The following CLEC16A variants were observed in gnomAD, a reference collection of about 807,000 sequenced individuals.
CLEC16A encodes protein CLEC16A.
Under a neutral mutation model 109.5 loss-of-function variants are expected in CLEC16A, and 51 were observed. The observed-to-expected ratio is 0.47, with a 90% confidence interval of 0.37 to 0.59. The LOEUF (loss-of-function observed/expected upper bound fraction) is 0.59. Ranked by LOEUF, CLEC16A falls within the 20% of genes least tolerant of loss-of-function variation. The pLI is 0.00. For synonymous variants in CLEC16A, 673 were observed against 564.2 expected (o/e 1.19, Z -2.73); for missense variants, 1,339 against 1,394.0 (o/e 0.96, Z 0.63).
chr16:11,155,432 C>G (rs2054473089), intron 22 of CLEC16A, among the ~76,000 whole-genome samples: 1 of 152,204 alleles, frequency 6.6e-6, no homozygotes, highest in South Asian at 2.1e-4. Context: ...AGCCAAGTTG[C>G]TGCTCTTCAG....
At chr16:11,023,614 T>TC (rs991179731) in intron 12 of CLEC16A, among the ~76,000 whole-genome samples, 6 of 150,758 alleles carry the variant, frequency 4.0e-5, no homozygotes, top group African/African-American at 1.5e-4. Context: ...TTTTCCTACT[T>TC]TTTTTTTTTG....
At chr16:11,109,825 G>A (rs1370842421) in intron 19 of CLEC16A, among the ~76,000 whole-genome samples, 2 of 152,214 alleles carry the variant, frequency 1.3e-5, no homozygotes, top group Admixed American at 6.5e-5. Context: ...ACACGTGCTT[G>A]AAAGATTTGC....
At chr16:11,079,545 G>A (rs1050867531) in intron 19 of CLEC16A, among the ~76,000 whole-genome samples, 3 of 152,118 alleles carry the variant, frequency 2.0e-5, no homozygotes, top group South Asian at 2.1e-4. Flanking sequence ...TAGAAAAGCC[G>A]CATGCAACTT....
intron 1 of CLEC16A, among the ~76,000 whole-genome samples, chr16:10,947,043 C>T (rs1006837342): frequency 9.9e-5 from 15 of 152,238 alleles, no homozygotes; most frequent in African/African-American, 3.6e-4. Flanking sequence ...GGTAAACGGT[C>T]TCTGGTTCCT....
intron 22 of CLEC16A, among the ~76,000 whole-genome samples, chr16:11,134,416 T>C (rs2053439861): frequency 6.6e-6 from 1 of 152,174 alleles, no homozygotes; most frequent in Non-Finnish European, 1.5e-5. Flanking sequence ...TCACTTGCTC[T>C]GCCTCACAGA....
intron 18 of CLEC16A, among the ~76,000 whole-genome samples, chr16:11,052,006 G>A (rs915012668): frequency 1.3e-5 from 2 of 152,156 alleles, no homozygotes; most frequent in Admixed American, 1.3e-4. Flanking sequence ...TGAAATCGTA[G>A]CCCAGCGGTC....
At chr16:11,092,906 T>C (rs2050394262) in intron 19 of CLEC16A, among the ~76,000 whole-genome samples, 1 of 152,200 alleles carries the variant, frequency 6.6e-6, no homozygotes, top group South Asian at 2.1e-4. Flanking sequence ...GTGACTGTCG[T>C]TATCCTCATC....
chr16:11,058,401 A>G (rs1050322494), intron 18 of CLEC16A, among the ~76,000 whole-genome samples: 1 of 152,210 alleles, frequency 6.6e-6, no homozygotes, highest in Non-Finnish European at 1.5e-5. Flanking sequence ...TAGACTTTAA[A>G]TCGTCTCTAG....
chr16:11,053,329 T>A (rs1478881125), intron 18 of CLEC16A, among the ~76,000 whole-genome samples: 1 of 152,160 alleles, frequency 6.6e-6, no homozygotes, highest in Non-Finnish European at 1.5e-5. Context: ...ATAACCATCC[T>A]AGGAGATTGG....
chr16:11,023,339 C>T (rs937885252), intron 12 of CLEC16A, among the ~76,000 whole-genome samples: 2 of 152,016 alleles, frequency 1.3e-5, no homozygotes, highest in Non-Finnish European at 2.9e-5. Flanking sequence ...TCATATTATT[C>T]CCAAATGAAA....
At chr16:11,079,431 T>C (rs2152941339) in intron 19 of CLEC16A, among the ~76,000 whole-genome samples, 1 of 152,338 alleles carries the variant, frequency 6.6e-6, no homozygotes, top group South Asian at 2.1e-4. Context: ...AAAGTTCTCA[T>C]CCCATCTTCC....
At chr16:10,946,769 A>T (rs12922318) in intron 1 of CLEC16A, among the ~76,000 whole-genome samples, 107,482 of 152,098 alleles carry the variant, frequency 0.71, 39,909 homozygotes, top group South Asian at 0.81. Flanking sequence ...CTGTGTGTTA[A>T]TTCCCTTAGT....
Position 11,146,269 on chromosome 16 carries a change from G to T in CLEC16A, c.2642-20119G>T, listed in dbSNP as rs149293025. On this transcript the variant is annotated intron_variant, in intron 22 of 23. Coordinates refer to ENST00000409790, the MANE Select transcript of CLEC16A (RefSeq NM_015226.3). The stretch of plus-strand genomic sequence containing the variant: ...CCTGACATTTTCTACTCCTTGACTG[G>T]CCCTGCCCTGTCCCATCCCATTATC... Among the ~76,000 whole-genome samples the T allele has an allele frequency of 1.6e-3, 242 of 152,242 alleles. 2 individuals carry two copies. The highest frequency in any genetic ancestry group is 5.6e-3 in the African/African-American group (232 of 41,530).
At chr16:11,113,530 A>G (rs1184248488) in intron 19 of CLEC16A, among the ~76,000 whole-genome samples, 8 of 151,994 alleles carry the variant, frequency 5.3e-5, no homozygotes, top group Admixed American at 3.3e-4. Context: ...TGGATGGTGC[A>G]TGCCTTTAGT....
At chr16:11,120,834 A>G (rs1329869461) in intron 20 of CLEC16A, 68 bp downstream of exon 20, 2 of 1,203,642 alleles carry the variant, frequency 1.7e-6, no homozygotes, top group Admixed American at 6.6e-5. Context: ...ACACACACAC[A>G]CACACCACAC....
At chr16:11,021,552 C>T (rs541826536) in intron 12 of CLEC16A, among the ~76,000 whole-genome samples, 1 of 152,278 alleles carries the variant, frequency 6.6e-6, no homozygotes, top group African/African-American at 2.4e-5. Flanking sequence ...AATCCTAGCG[C>T]TTTGGGAGGC....
intron 13 of CLEC16A, among the ~76,000 whole-genome samples, chr16:11,031,349 T>C (rs1385166743): frequency 2.6e-5 from 4 of 152,196 alleles, no homozygotes; most frequent in African/African-American, 9.6e-5. Flanking sequence ...GTGTTCTCCA[T>C]GGGCTTCCTT....
intron 1 of CLEC16A, among the ~76,000 whole-genome samples, chr16:10,950,844 G>A (rs56677604): frequency 8.5e-4 from 129 of 152,302 alleles, no homozygotes; most frequent in African/African-American, 2.9e-3. Flanking sequence ...CTAACCCCCA[G>A]ACCTCCTATC....
chr16:11,095,844 T>C (rs1281613498), intron 19 of CLEC16A, among the ~76,000 whole-genome samples: 1 of 143,730 alleles, frequency 7.0e-6, no homozygotes, highest in African/African-American at 2.6e-5. Flanking sequence ...AAAAGGGAGC[T>C]AGAAGCGTAG....
Sources: gnomAD v4.1 joint callset for allele counts (sites outside exome capture counted in the v4.1 genomes callset) on GRCh38, gnomAD v4.1.1 for gene constraint, MANE v1.5 for transcripts, NCBI Gene and HGNC (gene_info 2026-07-23, HGNC 2026-07-21) for gene names.